LCN10: variants seen among roughly 807,000 people sequenced by gnomAD.
The protein encoded by LCN10 is lipocalin 10.
Under a neutral mutation model 25.1 loss-of-function variants are expected in LCN10, and 18 were observed. The observed-to-expected ratio is 0.72, with a 90% confidence interval of 0.50 to 1.06. LCN10 has a LOEUF of 1.06. Among genes scored for constraint, LCN10 ranks in the 50% least tolerant of loss-of-function variants. The pLI is 0.00. For missense variants in LCN10, 257 were observed against 258.9 expected (o/e 0.99, Z 0.05); for synonymous variants, 130 against 116.7 (o/e 1.11, Z -0.73).
At chr9:136,742,259 G>A (rs28678356) in intron 1 of LCN10, 85,985 of 518,904 alleles carry the variant, frequency 0.17, 7,704 homozygotes, top group East Asian at 0.26. Flanking sequence ...GGCTGTGGGC[G>A]CCAGCAGGTG....
In LCN10 at chr9:136,741,801, C is replaced by G. The variant is rs1846941631; in HGVS notation, c.257+80G>C. ...GGAACTTCCAGACAGACAGGCTCCT[C>G]CCAGACTCCTTTCCAGCCCCGAGGC... On this transcript the variant is annotated intron_variant, in intron 2 of 5. Transcript: ENST00000497771. 3 of 1,501,226 alleles carry G rather than the reference C, an allele frequency of 2.0e-6. No individual in the cohort carries two copies. In the East Asian group the frequency reaches 7.4e-5, roughly 37 times the overall value. 93.0% of individuals were successfully genotyped at this position (1,501,226 alleles called of 1,614,324 possible). A position where few individuals can be genotyped will look rare whatever the true frequency, so the allele number is the denominator to read the frequency against.
At chr9:136,741,055 G>A (rs2131069580) in intron 3 of LCN10, 112 bp from the exon 4 acceptor site, 2 of 1,069,898 alleles carry the variant, frequency 1.9e-6, no homozygotes, top group Admixed American at 2.0e-5. Context: ...AGGTGCAGGT[G>A]TCCAGAGGGA....
chr9:136,741,481 T>TG lies in LCN10; in HGVS notation c.258-121dup, dbSNP rs1588297522. Reference sequence around the variant, plus strand: ...CTGCTCCCGTGGGACCCGGGAAGGTTGGGGCCCCAGGTCCCCAGTTTTTTG... The same window carrying TG: ...CTGCTCCCGTGGGACCCGGGAAGGTTGGGGGCCCCAGGTCCCCAGTTTTTTG... On this transcript the variant is annotated intron_variant, in intron 2 of 5. Transcript: ENST00000497771. The TG allele has an allele frequency of 1.4e-5, 11 of 796,444 alleles. No individual in the cohort carries two copies. In the East Asian group the frequency reaches 2.9e-4, roughly 21 times the overall value. The allele number at this position is 796,444 out of a possible 1,614,324, so 49.3% of individuals were successfully genotyped here.
At chr9:136,742,446 G>A (rs59929134) in intron 1 of LCN10, 1 of 426,254 alleles carries the variant, frequency 2.3e-6, no homozygotes, top group African/African-American at 2.0e-5. Context: ...CACTCAGCAG[G>A]TGCCCGGGCC....
chr9:136,739,360 G>A lies in LCN10; in HGVS notation c.*165C>T. 1.4e-6 allele frequency: 1 copy of A among 692,948 alleles called. No individual in the cohort carries two copies. The highest frequency in any genetic ancestry group is 2.5e-6 in the Non-Finnish European group (1 of 403,140). 42.9% of individuals were successfully genotyped at this position (692,948 alleles called of 1,614,324 possible). The stretch of plus-strand genomic sequence containing the variant: ...TGTATCCTCCTTCCCCCATCTTTCT[G>A]TGATCATAAAGGATCCCTTGAGCCA... On this transcript the variant is annotated 3_prime_UTR_variant, in exon 6 of 6. Transcript: ENST00000497771. This position sits in a 1 kb window ranked among gnomAD's most constrained non-coding sequence, Gnocchi z 6.1.
At position 136,740,078 on chromosome 9, in the gene LCN10, A is replaced by G; in HGVS notation, c.476-30T>C. The stretch of plus-strand genomic sequence containing the variant: ...GGTTGAGATCAGGATCACATCAGAG[A>G]CTCCAGCTCTGGCCATTTTAGGGTC... On this transcript the variant is annotated intron_variant, in intron 4 of 5. Coordinates refer to ENST00000497771, the MANE Select transcript of LCN10 (RefSeq NM_001001712.3). This position sits in a 1 kb window ranked among gnomAD's most constrained non-coding sequence, Gnocchi z 5.3. 6.9e-7 allele frequency: 1 copy of G among 1,442,160 alleles called. No individual in the cohort carries two copies. Among genetic ancestry groups the G allele is most frequent in the South Asian group, 1.2e-5 (1 of 81,966 alleles). The allele number at this position is 1,442,160 out of a possible 1,614,324, so 89.3% of individuals were successfully genotyped here. A position where few individuals can be genotyped will look rare whatever the true frequency, so the allele number is the denominator to read the frequency against.
chr9:136,740,936 C>A lies in LCN10; in HGVS notation c.375G>T (p.Gly125=). 6.2e-7 allele frequency: 1 copy of A among 1,613,154 alleles called. No individual in the cohort carries two copies. Among genetic ancestry groups the A allele is most frequent in the Non-Finnish European group, 8.5e-7 (1 of 1,179,280 alleles). ...TGGACAGCACGTGGAAGGCCTTCAC[C>A]CCTTTCACTGAAAGAGATGCCCAGA... ...GPREGQEGVK[G]VKAFHVLSTD... The change falls in exon 4 of 6, where the codon GGG becomes GGT. Residue 125 remains glycine, a synonymous_variant. Coordinates refer to ENST00000497771, the MANE Select transcript of LCN10 (RefSeq NM_001001712.3). This position sits in a 1 kb window ranked among gnomAD's most constrained non-coding sequence, Gnocchi z 5.3.
intron 1 of LCN10, 69 bp downstream of exon 1, chr9:136,742,718 G>A (rs540788442): frequency 4.5e-6 from 7 of 1,566,150 alleles, no homozygotes; most frequent in African/African-American, 1.4e-5. Context: ...GCTGCCGGGA[G>A]ACTGTGCAGG....
In LCN10 at chr9:136,738,355, G is replaced by A. The variant is rs1430553422; in HGVS notation, c.*1170C>T. 2 of 152,242 alleles carry A rather than the reference G, an allele frequency of 1.3e-5. No individual in the cohort carries two copies. Among genetic ancestry groups the A allele is most frequent in the Non-Finnish European group, 2.9e-5 (2 of 68,090 alleles). 9.4% of individuals were successfully genotyped at this position (152,242 alleles called of 1,614,324 possible). A position where few individuals can be genotyped will look rare whatever the true frequency, so the allele number is the denominator to read the frequency against. On this transcript the variant is annotated 3_prime_UTR_variant, in exon 6 of 6. Transcript: ENST00000497771. ...AAATAGAGATGTTCAATAAGCTTCA[G>A]GAGGAGTCATGAATATTCATGAAAG...
intron 1 of LCN10, 85 bp from the exon 2 acceptor site, chr9:136,742,105 A>C: frequency 6.5e-7 from 1 of 1,534,858 alleles, no homozygotes; most frequent in Non-Finnish European, 8.8e-7. Context: ...AGAACCCAGG[A>C]GACAAATGAC....
At position 136,740,240 on chromosome 9, in the gene LCN10, C is replaced by T. The variant is rs1167123604; in HGVS notation, c.476-192G>A. On this transcript the variant is annotated intron_variant, in intron 4 of 5. Coordinates refer to ENST00000497771, the MANE Select transcript of LCN10 (RefSeq NM_001001712.3). The surrounding 1 kb of genome is among the most constrained non-coding windows in gnomAD (Gnocchi z 5.3). ...TACGAGGCAGCCAGGCTCGGGAAGCCAGGGTCACCACGCTGTCACCTGGGG... is the reference window on the plus strand; with the variant it reads ...TACGAGGCAGCCAGGCTCGGGAAGCTAGGGTCACCACGCTGTCACCTGGGG... The T allele has an allele frequency of 1.6e-6, 1 of 607,188 alleles. No individual in the cohort carries two copies. The highest frequency in any genetic ancestry group is 1.8e-5 in the African/African-American group (1 of 54,496). The allele number at this position is 607,188 out of a possible 1,614,324, so 37.6% of individuals were successfully genotyped here.
At position 136,742,039 on chromosome 9, in the gene LCN10, G is replaced by A. The variant is rs1588298078; in HGVS notation, c.118-19C>T. ...CTGAAAACTGCGCAGCGGATGTGTG[G>A]GCGGGGACAGGAGCTGCCACCGGGG... On this transcript the variant is annotated intron_variant, in intron 1 of 5. Transcript: ENST00000497771. 3 of 1,611,822 alleles carry A rather than the reference G, an allele frequency of 1.9e-6. No homozygotes were observed. In the East Asian group the frequency reaches 6.7e-5, roughly 36 times the overall value.
Position 136,739,616 on chromosome 9 carries a change from A to G in LCN10, c.575-63T>C. On this transcript the variant is annotated intron_variant, in intron 5 of 5. Transcript: ENST00000497771. The surrounding 1 kb of genome is among the most constrained non-coding windows in gnomAD (Gnocchi z 6.1). ...CTTGGAGGAGACACATGAGCCGTGA[A>G]CACGTCTCCCCCGGCCGCTCCCTGG... 2.0e-6 allele frequency: 3 copies of G among 1,491,778 alleles called. No individual in the cohort carries two copies. Among genetic ancestry groups the G allele is most frequent in the Non-Finnish European group, 2.8e-6 (3 of 1,089,736 alleles). The allele number at this position is 1,491,778 out of a possible 1,614,324, so 92.4% of individuals were successfully genotyped here.
At position 136,741,322 on chromosome 9, in the gene LCN10, T is replaced by C; in HGVS notation, c.297A>G (p.Lys99=). 6.2e-7 allele frequency: 1 copy of C among 1,613,272 alleles called. No individual in the cohort carries two copies. Residue 99 remains lysine, a synonymous_variant, in exon 3 of 6, where the codon AAA becomes AAG. Transcript: ENST00000497771. ...TCCCAAACACCGGCTTCTTCCCGTC[T>C]TTCCTCAGGATCACCTCCTGGGACT... ...GCQSQEVILR[K]DGKKPVFGNA...
In LCN10 at chr9:136,738,987, T is replaced by C. The variant is rs1256660500; in HGVS notation, c.*538A>G. On this transcript the variant is annotated 3_prime_UTR_variant, in exon 6 of 6. Transcript: ENST00000497771. ...TAGGGTCTATACTCGAGTATCCAGG[T>C]GACCACACTGCTGAAGTTGGCTTCT... is the stretch of plus-strand genomic sequence containing the variant. The C allele has an allele frequency of 2.2e-5, 4 of 181,392 alleles. No individual in the cohort carries two copies. The highest frequency in any genetic ancestry group is 2.4e-4 in the South Asian group (2 of 8,336). 11.2% of individuals were successfully genotyped at this position (181,392 alleles called of 1,614,324 possible).
intron 1 of LCN10, 132 bp downstream of exon 1, chr9:136,742,655 G>T: frequency 1.7e-6 from 2 of 1,144,704 alleles, no homozygotes; most frequent in South Asian, 1.6e-5. Context: ...AGTGGGAGAG[G>T]CCAGGTGGGC....
Position 136,740,994 on chromosome 9 carries a change from G to T in LCN10, c.368-51C>A. The T allele has an allele frequency of 6.7e-7, 1 of 1,481,730 alleles. No homozygotes were observed. Among genetic ancestry groups the T allele is most frequent in the Non-Finnish European group, 9.4e-7 (1 of 1,066,754 alleles). 91.8% of individuals were successfully genotyped at this position (1,481,730 alleles called of 1,614,324 possible). On this transcript the variant is annotated intron_variant, in intron 3 of 5. Transcript: ENST00000497771. The surrounding 1 kb of genome is among the most constrained non-coding windows in gnomAD (Gnocchi z 5.3). ...GCTGGTTCCCGGATGGCGTGGCTGT[G>T]CCCGCCCACAGCCCTGACCCCTGGT...
chr9:136,741,103 C>T, intron 3 of LCN10, 149 bp downstream of exon 3: 1 of 977,772 alleles, frequency 1.0e-6, no homozygotes, highest in Non-Finnish European at 1.5e-6. Flanking sequence ...CCGGGCCAGG[C>T]CGCCCAGCAC....
Position 136,740,733 on chromosome 9 carries a change from C to T in LCN10, c.475+103G>A. ...GACCACCGCCCCAACCCCCACTCTC[C>T]CTGCCCGCCTCACCTCCTGCCCGGC... On this transcript the variant is annotated intron_variant, in intron 4 of 5. Transcript: ENST00000497771. The surrounding 1 kb of genome is among the most constrained non-coding windows in gnomAD (Gnocchi z 5.3). 2.3e-6 allele frequency: 2 copies of T among 851,718 alleles called. No homozygotes were observed. The highest frequency in any genetic ancestry group is 3.6e-6 in the Non-Finnish European group (2 of 553,416). 52.8% of individuals were successfully genotyped at this position (851,718 alleles called of 1,614,324 possible).
Sources: allele counts gnomAD v4.1 joint callset, GRCh38; gene constraint gnomAD v4.1.1; non-coding constraint Gnocchi (gnomAD v3.1); transcripts MANE v1.5; gene names NCBI Gene and HGNC (gene_info 2026-07-23, HGNC 2026-07-21).